SKAP1: variants seen among roughly 807,000 people sequenced by gnomAD.
The protein encoded by SKAP1 is src kinase-associated phosphoprotein 1.
In SKAP1, 44 loss-of-function variants were observed where a neutral mutation model predicts 58.5. The observed-to-expected ratio is 0.75, with a 90% CI of 0.59 to 0.97. SKAP1 has a LOEUF of 0.97. SKAP1 is among the 50% of genes least tolerant of loss of function. The pLI, the probability that SKAP1 is intolerant of heterozygous loss-of-function variation, is 0.00. For missense variants in SKAP1, 390 were observed against 435.2 expected, an observed-to-expected ratio of 0.90 and a Z score of 0.92; for synonymous variants, 127 against 149.7, an observed-to-expected ratio of 0.85 and a Z score of 1.11.
At chr17:48,372,359 T>C (rs2067098587) in intron 2 of SKAP1, among the ~76,000 whole-genome samples, 1 of 151,750 alleles carries the variant, frequency 6.6e-6, no homozygotes, top group Non-Finnish European at 1.5e-5. Flanking sequence ...CAGGCTGGAG[T>C]GTAATGGTGC....
intron 4 of SKAP1, among the ~76,000 whole-genome samples, chr17:48,189,924 C>T (rs1223189646): frequency 2.6e-5 from 4 of 151,900 alleles, no homozygotes; most frequent in Non-Finnish European, 4.4e-5. Flanking sequence ...GTGATCCACC[C>T]GCCTCGGCCT....
intron 11 of SKAP1, among the ~76,000 whole-genome samples, chr17:48,138,167 T>C (rs983745314): frequency 6.6e-6 from 1 of 151,896 alleles, no homozygotes; most frequent in Non-Finnish European, 1.5e-5. Context: ...ACAGAAAAGC[T>C]TCTCAAAAGC....
chr17:48,262,631 A>C (rs899981771), intron 4 of SKAP1, among the ~76,000 whole-genome samples: 1 of 152,172 alleles, frequency 6.6e-6, no homozygotes, highest in African/African-American at 2.4e-5. Flanking sequence ...TTCTGTTGTA[A>C]ATTTTAAATT....
chr17:48,203,556 C>T (rs1286114698), intron 4 of SKAP1: 2 of 152,142 alleles, frequency 1.3e-5, no homozygotes, highest in Admixed American at 6.5e-5. Flanking sequence ...TGCCAATGCA[C>T]GTCAGGTGTG....
At chr17:48,293,551 C>T (rs1017505482) in intron 4 of SKAP1, among the ~76,000 whole-genome samples, 2 of 152,164 alleles carry the variant, frequency 1.3e-5, no homozygotes, top group African/African-American at 2.4e-5. Flanking sequence ...TTGTCCCACA[C>T]GGGCTTGCTT....
chr17:48,417,739 C>T (rs767056124), intron 1 of SKAP1, among the ~76,000 whole-genome samples: 29 of 115,864 alleles, frequency 2.5e-4, no homozygotes, highest in Admixed American at 4.9e-4. Flanking sequence ...AGCGAGACTT[C>T]GTCTCAAAAA....
At chr17:48,357,322 G>C (rs934321387) in intron 3 of SKAP1, among the ~76,000 whole-genome samples, 3 of 152,084 alleles carry the variant, frequency 2.0e-5, no homozygotes, top group Non-Finnish European at 4.4e-5. Flanking sequence ...AAAAAAGTGA[G>C]TCTTTTTGTT....
upstream of SKAP1, chr17:48,430,281 C>T (rs2067902734): frequency 2.4e-6 from 1 of 415,700 alleles, no homozygotes; most frequent in Admixed American, 5.0e-5. Flanking sequence ...CCGGGCGCGT[C>T]AGGAAGTGGC....
intron 4 of SKAP1, among the ~76,000 whole-genome samples, chr17:48,237,958 T>TTTG (rs952035063): frequency 3.2e-4 from 49 of 151,648 alleles, no homozygotes; most frequent in African/African-American, 8.2e-4. Flanking sequence ...TCGCTCTGCT[T>TTTG]TTGTTGTTGT....
At chr17:48,383,852 G>A (rs1438557011) in intron 2 of SKAP1, among the ~76,000 whole-genome samples, 1 of 151,522 alleles carries the variant, frequency 6.6e-6, no homozygotes, top group Non-Finnish European at 1.5e-5. Flanking sequence ...GAGTAGCTAG[G>A]ATTACAGGCG....
At position 48,184,844 on chromosome 17, in the gene SKAP1, T is replaced by C. The variant is rs984596720; in HGVS notation, c.446A>G (p.Lys149Arg). 6.2e-7 allele frequency: 1 copy of C among 1,613,192 alleles called. No homozygotes were observed. Among genetic ancestry groups the C allele is most frequent in the East Asian group, 2.2e-5 (1 of 44,848 alleles). ...AATGAGGAAGGTCCCTTTGGGCTGC[T>C]TGCCTGCAAGACAGGAAAGCTCCCT... ...LFYYYANEKSKQPKGTFLIKG... is the reference protein window; with the variant it reads ...LFYYYANEKSRQPKGTFLIKG... Residue 149 changes from lysine (K) to arginine (R), a missense_variant, in exon 7 of 13, where the codon AAG becomes AGG. Transcript: ENST00000336915.
chr17:48,206,832 A>T (rs7215474), intron 4 of SKAP1, among the ~76,000 whole-genome samples: 421 of 152,126 alleles, frequency 2.8e-3, no homozygotes, highest in African/African-American at 9.2e-3. Context: ...ATTAAAAAAA[A>T]TTTTTTTGGA....
chr17:48,293,518 A>G (rs2144090236), intron 4 of SKAP1, among the ~76,000 whole-genome samples: 1 of 152,320 alleles, frequency 6.6e-6, no homozygotes, highest in Non-Finnish European at 1.5e-5. Context: ...TATTCCTTGG[A>G]TATCCCTTAG....
chr17:48,322,448 A>C (rs1053236932), intron 4 of SKAP1, among the ~76,000 whole-genome samples: 1 of 152,204 alleles, frequency 6.6e-6, no homozygotes, highest in Non-Finnish European at 1.5e-5. Context: ...TGACAGTTAC[A>C]CTCAAGGTAT....
intron 1 of SKAP1, among the ~76,000 whole-genome samples, chr17:48,427,678 A>T: frequency 9.0e-6 from 1 of 111,168 alleles, no homozygotes; most frequent in Non-Finnish European, 1.9e-5. Context: ...ATGCTTGTGT[A>T]GTTATAAATA....
At chr17:48,372,559 C>T (rs1457920727) in intron 2 of SKAP1, among the ~76,000 whole-genome samples, 1 of 152,286 alleles carries the variant, frequency 6.6e-6, no homozygotes, top group African/African-American at 2.4e-5. Flanking sequence ...CCTGCCTTGG[C>T]CTCCCAAAGT....
At chr17:48,260,121 T>C (rs1407417821) in intron 4 of SKAP1, among the ~76,000 whole-genome samples, 1 of 151,848 alleles carries the variant, frequency 6.6e-6, no homozygotes, top group African/African-American at 2.4e-5. Flanking sequence ...ATGACAAAAT[T>C]AGAAAAAAAT....
Position 48,231,702 on chromosome 17 carries a change from C to G in SKAP1, c.281-42202G>C, listed in dbSNP as rs538326903. 2.0e-5 allele frequency: 3 copies of G among 152,196 alleles called. No individual in the cohort carries two copies. The South Asian group carries it at 6.2e-4, about 32-fold the overall frequency. 9.4% of individuals were successfully genotyped at this position (152,196 alleles called of 1,614,324 possible). A position where few individuals can be genotyped will look rare whatever the true frequency, so the allele number is the denominator to read the frequency against. ...GGTTAAGTTCAGCCTGAGAAAGACC[C>G]TTTAGACCTTAGAGAGCCTCCACCT... On this transcript the variant is annotated intron_variant, in intron 4 of 12. Coordinates refer to ENST00000336915, the MANE Select transcript of SKAP1 (RefSeq NM_003726.4).
At chr17:48,171,308 G>A (rs1198650248) in intron 9 of SKAP1, among the ~76,000 whole-genome samples, 1 of 151,730 alleles carries the variant, frequency 6.6e-6, no homozygotes, top group Non-Finnish European at 1.5e-5. Context: ...GTTTCTCCAT[G>A]TTGATCAGGC....
Sources: allele counts gnomAD v4.1 joint callset (sites outside exome capture counted in the v4.1 genomes callset), GRCh38; gene constraint gnomAD v4.1.1; transcripts MANE v1.5; gene names NCBI Gene and HGNC (gene_info 2026-07-23, HGNC 2026-07-21).